ZNF827: variants seen among roughly 807,000 people sequenced by gnomAD.
The protein encoded by ZNF827 is zinc finger protein 827.
Under a neutral mutation model 102.4 loss-of-function variants are expected in ZNF827, and 13 were observed. The observed-to-expected ratio is 0.13, with a 90% CI of 0.08 to 0.20. The LOEUF (loss-of-function observed/expected upper bound fraction) is 0.20. Ranked by LOEUF, ZNF827 falls within the 10% of genes least tolerant of loss-of-function variation. The probability of loss-of-function intolerance (pLI) is 1.00; values close to 1 mark genes in which losing one functional copy is unlikely to be tolerated. For missense variants in ZNF827, 1,103 were observed against 1,344.4 expected, an observed-to-expected ratio of 0.82 and a Z score of 2.81; for synonymous variants, 523 against 536.2, an observed-to-expected ratio of 0.98 and a Z score of 0.34.
intron 5 of ZNF827, among the ~76,000 whole-genome samples, chr4:145,853,805 A>C (rs1746780313): frequency 6.6e-6 from 1 of 152,064 alleles, no homozygotes; most frequent in South Asian, 2.1e-4. Flanking sequence ...ATATCATAAA[A>C]AAGTACAAAA....
chr4:145,906,401 C>T (rs1716887697), intron 1 of ZNF827, among the ~76,000 whole-genome samples: 1 of 152,210 alleles, frequency 6.6e-6, no homozygotes, highest in Non-Finnish European at 1.5e-5. Flanking sequence ...ACTCTAATCT[C>T]TTCATTCCCA....
intron 1 of ZNF827, among the ~76,000 whole-genome samples, chr4:145,909,830 A>C: frequency 6.6e-6 from 1 of 152,104 alleles, no homozygotes. Context: ...CATCCCCCAC[A>C]CCAGGTCTGC....
In ZNF827 at chr4:145,759,492, T is replaced by C. The variant is rs186332783; in HGVS notation, c.*2124A>G. The C allele has an allele frequency of 6.6e-6, 1 of 152,278 alleles. No homozygotes were observed. The highest frequency in any genetic ancestry group is 1.5e-5 in the Non-Finnish European group (1 of 68,012). The allele number at this position is 152,278 out of a possible 1,614,324, so 9.4% of individuals were successfully genotyped here. On this transcript the variant is annotated 3_prime_UTR_variant, in exon 15 of 15. Transcript: ENST00000508784. ...ACAAAATGGAATACAGAATTACTAA[T>C]AACATGGAGGATACCACGATTAGCC...
In ZNF827 at chr4:145,822,731, A is replaced by G. The variant is rs145656305; in HGVS notation, c.2383+691T>C. On this transcript the variant is annotated intron_variant, in intron 8 of 14. Transcript: ENST00000508784. ...TATGAACTAGAGTGCAGCGGTTCTC[A>G]GATGTTCTCATTTCCCAATAACTCT... 3.3e-5 allele frequency among the ~76,000 whole-genome samples: 5 copies of G among 152,302 alleles called. No homozygotes were observed. In the East Asian group the frequency reaches 9.6e-4, roughly 29 times the overall value.
intron 8 of ZNF827, among the ~76,000 whole-genome samples, chr4:145,819,586 G>A (rs1247816626): frequency 1.3e-5 from 2 of 152,090 alleles, no homozygotes; most frequent in Non-Finnish European, 2.9e-5. Flanking sequence ...ATTAAATAAA[G>A]TACATTAAAT....
intron 11 of ZNF827, among the ~76,000 whole-genome samples, chr4:145,772,252 A>T (rs2038830798): frequency 6.6e-6 from 1 of 152,224 alleles, no homozygotes; most frequent in African/African-American, 2.4e-5. Flanking sequence ...GGCCTGCTCC[A>T]GGTGCTGAGA....
intron 7 of ZNF827, 28 bp from the exon 8 acceptor site, chr4:145,823,553 T>C (rs1743370094): frequency 6.7e-7 from 1 of 1,500,618 alleles, no homozygotes; most frequent in Non-Finnish European, 9.3e-7. Flanking sequence ...GAGTGAAGTT[T>C]AGTAAATTAA....
At chr4:145,816,855 TAGTTTAGGGCAACC>T (rs1412190696) in intron 8 of ZNF827, among the ~76,000 whole-genome samples, 1 of 152,218 alleles carries the variant, frequency 6.6e-6, no homozygotes, top group African/African-American at 2.4e-5. Context: ...TACATGTCAT[TAGTTTAGGGCAACC>T]AGTTTGTGTT....
At chr4:145,797,188 G>T (rs1740472710) in intron 8 of ZNF827, among the ~76,000 whole-genome samples, 1 of 152,120 alleles carries the variant, frequency 6.6e-6, no homozygotes, top group Non-Finnish European at 1.5e-5. Context: ...TATGATCAAT[G>T]ATGTTCTAGC....
At chr4:145,807,043 G>A (rs1398795354) in intron 8 of ZNF827, among the ~76,000 whole-genome samples, 1 of 152,158 alleles carries the variant, frequency 6.6e-6, no homozygotes, top group Non-Finnish European at 1.5e-5. Flanking sequence ...TGTGATCATA[G>A]TCGTATTTCA....
At chr4:145,882,705 C>T (rs1449015290) in intron 4 of ZNF827, among the ~76,000 whole-genome samples, 1 of 152,298 alleles carries the variant, frequency 6.6e-6, no homozygotes, top group African/African-American at 2.4e-5. Flanking sequence ...TGTCTGCACG[C>T]TTGAATTTGT....
chr4:145,912,825 T>C (rs1752385241), intron 1 of ZNF827, among the ~76,000 whole-genome samples: 3 of 152,218 alleles, frequency 2.0e-5, no homozygotes. Context: ...GCCTCCAGAA[T>C]TGTGAGACAA....
intron 5 of ZNF827, among the ~76,000 whole-genome samples, chr4:145,857,331 A>G (rs1056066369): frequency 6.6e-6 from 1 of 152,230 alleles, no homozygotes; most frequent in African/African-American, 2.4e-5. Flanking sequence ...CTCTACAGGT[A>G]AAAAAGAGTT....
At chr4:145,786,228 A>C (rs1190383855) in intron 8 of ZNF827, among the ~76,000 whole-genome samples, 1 of 152,164 alleles carries the variant, frequency 6.6e-6, no homozygotes, top group African/African-American at 2.4e-5. Context: ...TATTTGGTGT[A>C]TTGTTTGGCT....
chr4:145,881,987 C>T (rs888739272), intron 4 of ZNF827, among the ~76,000 whole-genome samples: 1 of 152,204 alleles, frequency 6.6e-6, no homozygotes, highest in Non-Finnish European at 1.5e-5. Flanking sequence ...ATACCAATGT[C>T]CAGGGCCTAT....
intron 5 of ZNF827, among the ~76,000 whole-genome samples, chr4:145,862,222 T>C (rs1396555556): frequency 6.6e-6 from 1 of 152,102 alleles, no homozygotes; most frequent in Admixed American, 6.5e-5. Context: ...TTCCTCTTTG[T>C]AGCTGAGAAA....
intron 8 of ZNF827, among the ~76,000 whole-genome samples, chr4:145,820,793 TA>T (rs1743067312): frequency 6.6e-6 from 1 of 152,228 alleles, no homozygotes; most frequent in Non-Finnish European, 1.5e-5. Context: ...AATGATTCAC[TA>T]ATCTGCTGCC....
intron 1 of ZNF827, among the ~76,000 whole-genome samples, chr4:145,917,727 G>A (rs12644484): frequency 0.49 from 53,137 of 107,560 alleles, 12,715 homozygotes; most frequent in African/African-American, 0.66. Flanking sequence ...AAAAAAAAAA[G>A]AAAAGAAAAA....
intron 3 of ZNF827, among the ~76,000 whole-genome samples, chr4:145,888,919 G>A: frequency 6.6e-6 from 1 of 152,158 alleles, no homozygotes; most frequent in East Asian, 1.9e-4. Context: ...AAGGAAAGGT[G>A]GGCTAAAAGA....
Sources: allele counts gnomAD v4.1 joint callset (sites outside exome capture counted in the v4.1 genomes callset), GRCh38; gene constraint gnomAD v4.1.1; transcripts MANE v1.5; gene names NCBI Gene and HGNC (gene_info 2026-07-23, HGNC 2026-07-21).